WASF1: variants seen among roughly 807,000 people sequenced by gnomAD.
WASF1 encodes WASP family member 1.
In WASF1, 7 loss-of-function variants were observed where a neutral mutation model predicts 50.5. The ratio of observed to expected loss-of-function variants is 0.14; its 90% confidence interval spans 0.08 to 0.26. The LOEUF (loss-of-function observed/expected upper bound fraction) is 0.26, where lower values mean the gene tolerates loss of function less well. Ranked by LOEUF, WASF1 falls within the 10% of genes least tolerant of loss-of-function variation. The pLI is 1.00. For missense variants in WASF1, 470 were observed against 694.7 expected (o/e 0.68, Z 3.64); for synonymous variants, 205 against 244.0 (o/e 0.84, Z 1.49).
chr6:110,133,538 C>A (rs1468151897), intron 3 of WASF1, among the ~76,000 whole-genome samples: 1 of 152,164 alleles, frequency 6.6e-6, no homozygotes, highest in Non-Finnish European at 1.5e-5. Flanking sequence ...TCAACACATC[C>A]ATAACAGCAG....
At chr6:110,139,205 G>C (rs1239303388) in intron 3 of WASF1, among the ~76,000 whole-genome samples, 1 of 152,244 alleles carries the variant, frequency 6.6e-6, no homozygotes, top group Admixed American at 6.5e-5. Flanking sequence ...GGATCGGGGA[G>C]AGACCAGGGA....
At chr6:110,147,790 A>G (rs181203498) in intron 3 of WASF1, among the ~76,000 whole-genome samples, 299 of 152,304 alleles carry the variant, frequency 2.0e-3, no homozygotes, top group Middle Eastern at 3.4e-3. Context: ...TCTGTCACCC[A>G]AACTGGAATG....
intron 2 of WASF1, among the ~76,000 whole-genome samples, chr6:110,174,147 T>C (rs1776827578): frequency 6.6e-6 from 1 of 152,166 alleles, no homozygotes; most frequent in Admixed American, 6.5e-5. Context: ...CACTAAGCTT[T>C]AACTGTTTCA....
intron 5 of WASF1, among the ~76,000 whole-genome samples, chr6:110,111,766 G>A (rs1773568832): frequency 6.6e-6 from 1 of 152,046 alleles, no homozygotes; most frequent in Admixed American, 6.5e-5. Context: ...TGATTGCTAG[G>A]GGTTGAGCTG....
chr6:110,103,781 T>C (rs1275120746), intron 8 of WASF1, among the ~76,000 whole-genome samples: 1 of 152,222 alleles, frequency 6.6e-6, no homozygotes, highest in Non-Finnish European at 1.5e-5. Context: ...ATGATGACCA[T>C]CGGTTATTTT....
chr6:110,106,965 T>A, intron 7 of WASF1, 112 bp downstream of exon 7: 1 of 770,594 alleles, frequency 1.3e-6, no homozygotes, highest in Non-Finnish European at 2.2e-6. Flanking sequence ...TATTTAACTA[T>A]ATGGACCCAA....
chr6:110,101,147 TCTTTC>T (rs1314607405), intron 10 of WASF1, among the ~76,000 whole-genome samples: 1 of 152,196 alleles, frequency 6.6e-6, no homozygotes, highest in African/African-American at 2.4e-5. Flanking sequence ...ATATGAGAAG[TCTTTC>T]CTTTGTTACT....
At position 110,110,017 on chromosome 6, in the gene WASF1, G is replaced by C. The variant is rs368484097; in HGVS notation, c.269-1336C>G. Among the ~76,000 whole-genome samples, 6 of 152,168 alleles carry C rather than the reference G, an allele frequency of 3.9e-5. No individual in the cohort carries two copies. The South Asian group carries it at 1.2e-3, about 31-fold the overall frequency. ...TTCCATTTCTAGCAATTCCACTGCT[G>C]CATGACCTGTAACACACTTATAAAT... On this transcript the variant is annotated intron_variant, in intron 5 of 10. Transcript: ENST00000392589.
chr6:110,119,612 A>C (rs11153223), intron 4 of WASF1, among the ~76,000 whole-genome samples: 35,379 of 152,078 alleles, frequency 0.23, 6,249 homozygotes, highest in African/African-American at 0.5. Flanking sequence ...ACCAGAGGTA[A>C]AAAGAAGAGC....
At chr6:110,178,020 GA>G (rs571778456) in intron 2 of WASF1, among the ~76,000 whole-genome samples, 42 of 138,986 alleles carry the variant, frequency 3.0e-4, no homozygotes, top group East Asian at 1.0e-3. Flanking sequence ...ATTCAAGTTA[GA>G]AAAAAAAAAA....
At chr6:110,106,958 T>C in intron 7 of WASF1, 119 bp downstream of exon 7, 1 of 722,822 alleles carries the variant, frequency 1.4e-6, no homozygotes, top group South Asian at 1.7e-5. Context: ...ACTTCAGTAT[T>C]TAACTATATG....
intron 7 of WASF1, 129 bp downstream of exon 7, chr6:110,106,948 A>C: frequency 1.5e-6 from 1 of 664,814 alleles, no homozygotes; most frequent in East Asian, 2.8e-5. Context: ...AGTTATAAAG[A>C]CTTCAGTATT....
intron 4 of WASF1, among the ~76,000 whole-genome samples, chr6:110,124,268 C>CTATA (rs1774308811): frequency 2.2e-4 from 13 of 59,230 alleles, no homozygotes; most frequent in East Asian, 5.9e-4. Context: ...CTCTCTCTCT[C>CTATA]TCTCTCTATA....
chr6:110,102,091 A>G lies in WASF1; in HGVS notation c.1019T>C (p.Leu340Ser), dbSNP rs1310908202. The G allele has an allele frequency of 2.0e-6, 3 of 1,500,442 alleles. No homozygotes were observed. In the Admixed American group the frequency reaches 7.1e-5, roughly 36 times the overall value. The allele number at this position is 1,500,442 out of a possible 1,614,324, so 92.9% of individuals were successfully genotyped here. The change falls in exon 10 of 11, where the codon TTA (leucine) becomes TCA (serine). Residue 340 changes from leucine to serine, a missense_variant. This residue lies in a region of WASF1 where 294 missense variants were observed against 343.5 expected (regional missense o/e 0.86). Transcript: ENST00000392589. ...PLPSALSTSS[L>S]RASMTSTPPP... ...AGGAGTTGAAGTCATTGAAGCTCTT[A>G]ATGAGGAAGTTGACAAGGCAGATGG...
intron 3 of WASF1, among the ~76,000 whole-genome samples, chr6:110,133,860 TTTAA>T (rs1233193164): frequency 6.6e-6 from 1 of 152,184 alleles, no homozygotes; most frequent in African/African-American, 2.4e-5. Flanking sequence ...AGCTTTTTAG[TTTAA>T]TTAAGTCTTA....
intron 2 of WASF1, among the ~76,000 whole-genome samples, chr6:110,163,713 T>C (rs1487421380): frequency 6.6e-6 from 1 of 151,640 alleles, no homozygotes; most frequent in African/African-American, 2.4e-5. Context: ...CAAGTTATTT[T>C]GTGACTATCA....
chr6:110,173,017 T>A (rs780136667), intron 2 of WASF1, among the ~76,000 whole-genome samples: 5 of 152,174 alleles, frequency 3.3e-5, no homozygotes, highest in Admixed American at 3.3e-4. Context: ...CACAATTCTC[T>A]GGCATAACCT....
chr6:110,162,528 C>T (rs766246042), intron 2 of WASF1, among the ~76,000 whole-genome samples: 9 of 150,312 alleles, frequency 6.0e-5, no homozygotes, highest in Non-Finnish European at 1.3e-4. Flanking sequence ...ATTAACAAAT[C>T]GATTCCAACA....
intron 3 of WASF1, among the ~76,000 whole-genome samples, chr6:110,131,489 T>C (rs1277483855): frequency 1.3e-5 from 2 of 152,232 alleles, no homozygotes; most frequent in Non-Finnish European, 2.9e-5. Flanking sequence ...TCTTTTTGAC[T>C]AACCTAGAGC....
Sources: allele counts gnomAD v4.1 joint callset (sites outside exome capture counted in the v4.1 genomes callset), GRCh38; gene constraint gnomAD v4.1.1; regional missense constraint gnomAD v4.1.1; transcripts MANE v1.5; gene names NCBI Gene and HGNC (gene_info 2026-07-23, HGNC 2026-07-21).